RAD23A: variants seen among roughly 807,000 people sequenced by gnomAD.
RAD23A encodes the protein lysine-specific demethylase RAD23A.
RAD23A carries 16 observed loss-of-function variants against 44.8 expected under a neutral mutation model. The observed-to-expected ratio is 0.36, with a 90% CI of 0.24 to 0.54. The LOEUF is 0.54. Ranked by LOEUF, RAD23A falls within the 20% of genes least tolerant of loss-of-function variation. The pLI is 0.89. For missense variants in RAD23A, 380 were observed against 483.3 expected, an observed-to-expected ratio of 0.79 and a Z score of 2.00; for synonymous variants, 217 against 202.9, an observed-to-expected ratio of 1.07 and a Z score of -0.59.
intron 7 of RAD23A, 179 bp from the exon 8 acceptor site, chr19:12,952,510 A>G (rs1971841306): frequency 5.6e-6 from 4 of 720,298 alleles, no homozygotes; most frequent in Non-Finnish European, 8.9e-6. Context: ...GGCTCACTTA[A>G]AAGCACATCA....
rs1329620240 is a variant in RAD23A, at chr19:12,948,225, G to T, written c.283G>T (p.Ala95Ser). The change falls in exon 3 of 9, where the codon GCT becomes TCT. Residue 95 changes from alanine to serine, a missense_variant. Around this residue, in one of 3 missense-constraint regions of RAD23A, gnomAD observed 279 missense variants for 313.7 expected, o/e 0.89. Transcript: ENST00000586534. The surrounding 1 kb of genome is among the most constrained non-coding windows in gnomAD (Gnocchi z 5.5). ...AGCACCCCCAGAGGCCTCACCCACA[G>T]CTGCCCCAGAGTCCTCTACATCCTT... Reference protein sequence around the residue: ...TSAPPEASPTAAPESSTSFPP... With the variant: ...TSAPPEASPTSAPESSTSFPP... The T allele has an allele frequency of 6.2e-7, 1 of 1,614,082 alleles. No homozygotes were observed. The highest frequency in any genetic ancestry group is 2.2e-5 in the East Asian group (1 of 44,890).
At chr19:12,952,055 A>G (rs940228152) in intron 7 of RAD23A, among the ~76,000 whole-genome samples, 3 of 151,260 alleles carry the variant, frequency 2.0e-5, no homozygotes, top group Admixed American at 2.0e-4. Flanking sequence ...TCTTGAGTAG[A>G]TGGGATTACA....
chr19:12,949,206 T>C, intron 6 of RAD23A, 47 bp downstream of exon 6: 1 of 1,614,054 alleles, frequency 6.2e-7, no homozygotes, highest in Non-Finnish European at 8.5e-7. Flanking sequence ...CTGACTCACA[T>C]TACACTCCAC....
Position 12,947,934 on chromosome 19 carries a change from G to A in RAD23A, c.159G>A (p.Lys53=). 1.2e-6 allele frequency: 2 copies of A among 1,614,044 alleles called. No homozygotes were observed. Among genetic ancestry groups the A allele is most frequent in the Non-Finnish European group, 1.7e-6 (2 of 1,180,040 alleles). Residue 53 remains lysine (K), a synonymous_variant, in exon 2 of 9, where the codon AAG becomes AAA. Transcript: ENST00000586534. ...VAGQKLIYAG[K]ILSDDVPIRD... Reference sequence around the variant, plus strand: ...GACAGAAACTCATCTATGCCGGCAAGATCTTGAGTGACGATGTCCCTATCA... The same window carrying A: ...GACAGAAACTCATCTATGCCGGCAAAATCTTGAGTGACGATGTCCCTATCA...
rs1200269977 is a variant in RAD23A, at chr19:12,945,918, C to T, written c.-31C>T. ...CGTGAGTTGCATGTTGTGTGAGGAT[C>T]CCGGGGCCGCCGCGTCGCTCGGGCC... On this transcript the variant is annotated 5_prime_UTR_variant, in exon 1 of 9. Transcript: ENST00000586534. 1.2e-5 allele frequency: 19 copies of T among 1,605,166 alleles called. No individual in the cohort carries two copies. The highest frequency in any genetic ancestry group is 8.1e-5 in the African/African-American group (6 of 73,832).
In RAD23A at chr19:12,949,172, A is replaced by G. The variant is rs1411869763; in HGVS notation, c.679+13A>G. 4 of 1,614,066 alleles carry G rather than the reference A, an allele frequency of 2.5e-6. No individual in the cohort carries two copies. The highest frequency in any genetic ancestry group is 3.4e-6 in the Non-Finnish European group (4 of 1,179,964). On this transcript the variant is annotated intron_variant, in intron 6 of 8. Coordinates refer to ENST00000586534, the MANE Select transcript of RAD23A (RefSeq NM_005053.4). The stretch of plus-strand genomic sequence containing the variant: ...GCCACGGAAGCAGGTGGGTGTGCAC[A>G]TGCCGCATCTGCCCTCCAGGTACCT...
At chr19:12,946,171 C>A (rs1378608292) in intron 1 of RAD23A, 151 bp downstream of exon 1, 7 of 755,982 alleles carry the variant, frequency 9.3e-6, no homozygotes, top group Non-Finnish European at 1.4e-5. Flanking sequence ...TCCTGGACCC[C>A]CCGATGGTCT....
At chr19:12,952,131 C>G (rs1054488120) in intron 7 of RAD23A, among the ~76,000 whole-genome samples, 2 of 152,154 alleles carry the variant, frequency 1.3e-5, no homozygotes, top group African/African-American at 2.4e-5. Flanking sequence ...CCATATTGGC[C>G]AGGCTGGTCT....
intron 1 of RAD23A, among the ~76,000 whole-genome samples, chr19:12,946,925 C>T (rs184902015): frequency 1.1e-3 from 168 of 152,168 alleles, no homozygotes; most frequent in African/African-American, 4.0e-3. Flanking sequence ...ATGAACCGGT[C>T]GCCTGCTGGC....
At position 12,952,490 on chromosome 19, in the gene RAD23A, C is replaced by G. The variant is rs1452469083; in HGVS notation, c.814-199C>G. ...TACAGGTGTGAGCCACCGTGCCCGG[C>G]TTATTTCTTGGCTCACTTAAAAGCA... is the stretch of plus-strand genomic sequence containing the variant. On this transcript the variant is annotated intron_variant, in intron 7 of 8. Coordinates refer to ENST00000586534, the MANE Select transcript of RAD23A (RefSeq NM_005053.4). 4 of 621,156 alleles carry G rather than the reference C, an allele frequency of 6.4e-6. No homozygotes were observed. In the Admixed American group the frequency reaches 9.9e-5, roughly 15 times the overall value. The allele number at this position is 621,156 out of a possible 1,614,324, so 38.5% of individuals were successfully genotyped here.
In RAD23A at chr19:12,948,538, C is replaced by G; in HGVS notation, c.458C>G (p.Ala153Gly). 6.3e-7 allele frequency: 1 copy of G among 1,594,362 alleles called. No homozygotes were observed. Among genetic ancestry groups the G allele is most frequent in the Non-Finnish European group, 8.5e-7 (1 of 1,169,696 alleles). The change falls in exon 4 of 9, where the codon GCG becomes GGG. Residue 153 changes from alanine (A) to glycine (G), a missense_variant. Ala to Gly is a moderately conservative substitution (Grantham distance 60). Coordinates refer to ENST00000586534, the MANE Select transcript of RAD23A (RefSeq NM_005053.4). This position sits in a 1 kb window ranked among gnomAD's most constrained non-coding sequence, Gnocchi z 5.5. ...GGTAGCAGCGGGCGAGAGGAAGACG[C>G]GGCCTCCACGCTAGGTGGGTGGGTG... The part of the protein sequence containing the change: ...SSGSSGREED[A>G]ASTLVTGSEY...
chr19:12,947,581 T>A (rs976893463), intron 1 of RAD23A, among the ~76,000 whole-genome samples: 3 of 152,244 alleles, frequency 2.0e-5, no homozygotes, highest in African/African-American at 7.2e-5. Flanking sequence ...AGCAGGGACT[T>A]ACTTGTGTTG....
rs558559037 is a variant in RAD23A, at chr19:12,949,595, G to C, written c.813+187G>C. The C allele has an allele frequency of 5.1e-4, 362 of 709,392 alleles. 2 individuals carry two copies. The highest frequency in any genetic ancestry group is 1.3e-4 in the Non-Finnish European group (55 of 433,470). 43.9% of individuals were successfully genotyped at this position (709,392 alleles called of 1,614,324 possible). On this transcript the variant is annotated intron_variant, in intron 7 of 8. Coordinates refer to ENST00000586534, the MANE Select transcript of RAD23A (RefSeq NM_005053.4). ...GTTTCTCAGTCTTCCCAACCACCTT[G>C]TAAGGTGTGGGTGCTGTCAACATCA...
At position 12,947,776 on chromosome 19, in the gene RAD23A, T is replaced by A; in HGVS notation, c.73-72T>A. On this transcript the variant is annotated intron_variant, in intron 1 of 8. Transcript: ENST00000586534. Reference sequence around the variant, plus strand: ...CCTTTCTGCCATCAGGGCTGGCAGTTTCTCTGTCCTAAACTAGAAGGGAAA... The same window carrying A: ...CCTTTCTGCCATCAGGGCTGGCAGTATCTCTGTCCTAAACTAGAAGGGAAA... 2.0e-6 allele frequency: 3 copies of A among 1,514,948 alleles called. No individual in the cohort carries two copies. The Middle Eastern group carries it at 5.2e-4, about 263-fold the overall frequency. 93.8% of individuals were successfully genotyped at this position (1,514,948 alleles called of 1,614,324 possible).
intron 1 of RAD23A, among the ~76,000 whole-genome samples, chr19:12,946,703 T>C (rs1238778044): frequency 1.3e-5 from 2 of 152,198 alleles, no homozygotes; most frequent in African/African-American, 2.4e-5. Context: ...ATATAAATAT[T>C]ATGCTGCCTT....
chr19:12,948,874 T>C lies in RAD23A; in HGVS notation c.600+61T>C. On this transcript the variant is annotated intron_variant, in intron 5 of 8. Coordinates refer to ENST00000586534, the MANE Select transcript of RAD23A (RefSeq NM_005053.4). The surrounding 1 kb of genome is among the most constrained non-coding windows in gnomAD (Gnocchi z 5.5). The stretch of plus-strand genomic sequence containing the variant: ...AGGGAGTACCCGGGCGTCACTGCCC[T>C]GATGGGCGGTTGGGAAGGCAAAACC... 6.4e-7 allele frequency: 1 copy of C among 1,558,804 alleles called. No individual in the cohort carries two copies. Among genetic ancestry groups the C allele is most frequent in the Non-Finnish European group, 8.7e-7 (1 of 1,154,982 alleles).
At position 12,945,896 on chromosome 19, in the gene RAD23A, G is replaced by T; in HGVS notation, c.-53G>T. ...CTGGGCGCTAAGATGGCGGCGGCGT[G>T]AGTTGCATGTTGTGTGAGGATCCCG... is the stretch of plus-strand genomic sequence containing the variant. On this transcript the variant is annotated 5_prime_UTR_variant, in exon 1 of 9. The change abolishes the stop of an existing upstream ORF in the 5' untranslated region. Transcript: ENST00000586534. The T allele has an allele frequency of 6.4e-7, 1 of 1,574,320 alleles. No homozygotes were observed.
chr19:12,950,229 G>C (rs567499210), intron 7 of RAD23A, among the ~76,000 whole-genome samples: 14 of 152,086 alleles, frequency 9.2e-5, no homozygotes, highest in Non-Finnish European at 1.9e-4. Context: ...TTAGCTTGGG[G>C]TTGCTTCAGC....
At chr19:12,950,856 G>A (rs1231622279) in intron 7 of RAD23A, among the ~76,000 whole-genome samples, 1 of 152,136 alleles carries the variant, frequency 6.6e-6, no homozygotes, top group Non-Finnish European at 1.5e-5. Flanking sequence ...ACTTGGTCAG[G>A]AGTTTTAGAC....
Sources: gnomAD v4.1 joint callset for allele counts (sites outside exome capture counted in the v4.1 genomes callset) on GRCh38, gnomAD v4.1.1 for gene constraint, gnomAD v4.1.1 regional missense constraint, Gnocchi (gnomAD v3.1) non-coding constraint, MANE v1.5 for transcripts, NCBI Gene and HGNC (gene_info 2026-07-23, HGNC 2026-07-21) for gene names.